The following ATRNL1 variants were observed in gnomAD, a reference collection of about 807,000 sequenced individuals.
ATRNL1 encodes attractin-like protein 1.
Under a neutral mutation model 182.7 loss-of-function variants are expected in ATRNL1, and 95 were observed. That is an observed-to-expected ratio of 0.52 (90% CI 0.44 to 0.62). The LOEUF (loss-of-function observed/expected upper bound fraction) is 0.62. Ranked by LOEUF, ATRNL1 falls within the 20% of genes least tolerant of loss-of-function variation. ATRNL1 has a pLI of 0.00. For synonymous variants in ATRNL1, 576 were observed against 568.3 expected, an observed-to-expected ratio of 1.01 and a Z score of -0.19; for missense variants, 1,471 against 1,679.5, an observed-to-expected ratio of 0.88 and a Z score of 2.17.
At chr10:115,397,799 T>C (rs1554956002) in intron 20 of ATRNL1, among the ~76,000 whole-genome samples, 1 of 151,978 alleles carries the variant, frequency 6.6e-6, no homozygotes, top group Non-Finnish European at 1.5e-5. Flanking sequence ...AAAATATTGC[T>C]TCTACCCTTA....
intron 26 of ATRNL1, among the ~76,000 whole-genome samples, chr10:115,620,276 C>A (rs549295204): frequency 4.7e-4 from 71 of 152,214 alleles, no homozygotes; most frequent in African/African-American, 1.5e-3. Context: ...AACTCATTAC[C>A]TCAGGAATGA....
rs201601173 is a variant in ATRNL1 at position 115,559,439 on chromosome 10, T to C, written c.3795+9903T>C. On this transcript the variant is annotated intron_variant, in intron 26 of 28. Transcript: ENST00000355044. ...TTGTGTGTGTGTGTGTGTGTGTGTG[T>C]GTGTGCGCGCGCGCACGCACGCACA... Among the ~76,000 whole-genome samples, 695 of 78,542 alleles carry C rather than the reference T, an allele frequency of 8.8e-3. 9 individuals are homozygous for C. In the East Asian group the frequency reaches 0.14, roughly 16 times the overall value. The allele number at this position is 78,542 out of a possible 152,430, so 51.5% of individuals were successfully genotyped here. A position where few individuals can be genotyped will look rare whatever the true frequency, so the allele number is the denominator to read the frequency against.
At chr10:115,718,752 A>G (rs1555056959) in intron 26 of ATRNL1, among the ~76,000 whole-genome samples, 1 of 152,218 alleles carries the variant, frequency 6.6e-6, no homozygotes, top group East Asian at 1.9e-4. Context: ...ATTTTTGCAT[A>G]TATGGAGGTG....
At chr10:115,611,189 A>T (rs1171071922) in intron 26 of ATRNL1, among the ~76,000 whole-genome samples, 2 of 152,114 alleles carry the variant, frequency 1.3e-5, no homozygotes, top group African/African-American at 2.4e-5. Context: ...AAACAAGCAG[A>T]ATAATACATG....
intron 5 of ATRNL1, among the ~76,000 whole-genome samples, chr10:115,147,899 C>G (rs551112980): frequency 9.9e-5 from 15 of 152,070 alleles, no homozygotes; most frequent in Non-Finnish European, 1.6e-4. Flanking sequence ...TGGTGTGATA[C>G]CTTCAGCCTT....
chr10:115,322,979 T>C (rs1854660002), intron 18 of ATRNL1, among the ~76,000 whole-genome samples: 1 of 152,090 alleles, frequency 6.6e-6, no homozygotes, highest in South Asian at 2.1e-4. Flanking sequence ...GTGTTTGTCC[T>C]ATTTAGAGTT....
intron 17 of ATRNL1, among the ~76,000 whole-genome samples, chr10:115,314,498 G>A (rs145974916): frequency 7.2e-5 from 11 of 152,188 alleles, no homozygotes; most frequent in Non-Finnish European, 5.9e-5. Flanking sequence ...TTCTTCCATT[G>A]TTTTTTCTTT....
intron 26 of ATRNL1, among the ~76,000 whole-genome samples, chr10:115,559,325 G>C (rs1285231641): frequency 6.6e-6 from 1 of 152,084 alleles, no homozygotes; most frequent in African/African-American, 2.4e-5. Flanking sequence ...TTTGCAACAA[G>C]CACATCTAGC....
At chr10:115,924,599 T>TTGGTCTATA (rs1953165248) in intron 28 of ATRNL1, among the ~76,000 whole-genome samples, 1 of 152,176 alleles carries the variant, frequency 6.6e-6, no homozygotes, top group African/African-American at 2.4e-5. Context: ...TTCTGTTCTA[T>TTGGTCTATA]TGGTCTATAT....
At chr10:115,199,956 G>C (rs1407460578) in intron 8 of ATRNL1, among the ~76,000 whole-genome samples, 4 of 152,066 alleles carry the variant, frequency 2.6e-5, no homozygotes, top group African/African-American at 9.7e-5. Context: ...CTCTGAATCA[G>C]ATTTGTGCTT....
At chr10:115,163,655 C>T (rs1490320032) in intron 6 of ATRNL1, among the ~76,000 whole-genome samples, 5 of 152,206 alleles carry the variant, frequency 3.3e-5, no homozygotes, top group South Asian at 2.1e-4. Flanking sequence ...TGTGAGCTAC[C>T]GTGCCTGGCC....
At chr10:115,817,141 C>T (rs1950183480) in intron 27 of ATRNL1, among the ~76,000 whole-genome samples, 1 of 151,958 alleles carries the variant, frequency 6.6e-6, no homozygotes, top group East Asian at 1.9e-4. Context: ...GGCCCTAGAG[C>T]CAGTGAAACA....
At chr10:115,146,666 C>T (rs1275321066) in intron 5 of ATRNL1, among the ~76,000 whole-genome samples, 1 of 152,060 alleles carries the variant, frequency 6.6e-6, no homozygotes, top group African/African-American at 2.4e-5. Context: ...TATTCTATAC[C>T]TCCATGAGAT....
intron 19 of ATRNL1, among the ~76,000 whole-genome samples, chr10:115,363,793 TG>T (rs1254598325): frequency 1.3e-5 from 2 of 148,500 alleles, no homozygotes; most frequent in African/African-American, 4.9e-5. Context: ...CCCCATTGCT[TG>T]TTTTTCTCAG....
intron 27 of ATRNL1, among the ~76,000 whole-genome samples, chr10:115,747,025 A>G (rs2907536): frequency 0.95 from 144,614 of 152,192 alleles, 69,124 homozygotes; most frequent in East Asian, 1. Context: ...TAACATTAAG[A>G]TAACGCTGTT....
At position 115,215,890 on chromosome 10, in the gene ATRNL1, C is replaced by T. The variant is rs202092126; in HGVS notation, c.1532+10C>T. The T allele has an allele frequency of 2.7e-6, 4 of 1,480,318 alleles. No individual in the cohort carries two copies. Among genetic ancestry groups the T allele is most frequent in the Admixed American group, 2.5e-5 (1 of 39,350 alleles). The allele number at this position is 1,480,318 out of a possible 1,614,324, so 91.7% of individuals were successfully genotyped here. A position where few individuals can be genotyped will look rare whatever the true frequency, so the allele number is the denominator to read the frequency against. ...TTAACACTAAGACTTGGTGAGTACA[C>T]AAAATAACACATTTTCTATGTTGCC... On this transcript the variant is annotated intron_variant, in intron 9 of 28. Transcript: ENST00000355044.
chr10:115,918,166 T>A (rs1952933523), intron 28 of ATRNL1, among the ~76,000 whole-genome samples: 1 of 143,844 alleles, frequency 7.0e-6, no homozygotes, highest in Non-Finnish European at 1.5e-5. Flanking sequence ...TATTACACGA[T>A]CTCAGCTCAC....
At chr10:115,346,525 T>C (rs781875670) in intron 19 of ATRNL1, among the ~76,000 whole-genome samples, 10 of 152,218 alleles carry the variant, frequency 6.6e-5, no homozygotes, top group Non-Finnish European at 1.3e-4. Context: ...ATCTAGTTCT[T>C]ACACACATCA....
intron 25 of ATRNL1, among the ~76,000 whole-genome samples, chr10:115,537,058 TTTC>T (rs1852071156): frequency 6.6e-6 from 1 of 152,240 alleles, no homozygotes; most frequent in Non-Finnish European, 1.5e-5. Flanking sequence ...CAATAAATGA[TTTC>T]TTACTGTACT....
Sources: allele counts gnomAD v4.1 joint callset (sites outside exome capture counted in the v4.1 genomes callset), GRCh38; gene constraint gnomAD v4.1.1; transcripts MANE v1.5; gene names NCBI Gene and HGNC (gene_info 2026-07-23, HGNC 2026-07-21).